CLRN3: variants seen among roughly 807,000 people sequenced by gnomAD.
CLRN3 encodes the protein clarin 3.
In CLRN3, 12 loss-of-function variants were observed where a neutral mutation model predicts 16.7. The observed-to-expected ratio is 0.72, with a 90% CI of 0.46 to 1.16. CLRN3 has a LOEUF of 1.16. Ranked by LOEUF, CLRN3 falls within the 50% of genes most tolerant of loss-of-function variation. CLRN3 has a pLI of 0.00. For synonymous variants in CLRN3, 118 were observed against 113.0 expected (o/e 1.04, Z -0.28); for missense variants, 296 against 274.2 (o/e 1.08, Z -0.56).
chr10:127,879,514 G>A (rs1361763962), intron 2 of CLRN3, among the ~76,000 whole-genome samples: 1 of 151,944 alleles, frequency 6.6e-6, no homozygotes, highest in South Asian at 2.1e-4. Flanking sequence ...AACAAGTCAT[G>A]TAGCCTTTCT....
In CLRN3 at chr10:127,885,758, A is replaced by T. The variant is rs544707612; in HGVS notation, c.230-1883T>A. 3.1e-4 allele frequency among the ~76,000 whole-genome samples: 47 copies of T among 151,994 alleles called. 1 individual carries two copies. In the South Asian group the frequency reaches 5.6e-3, roughly 18 times the overall value. On this transcript the variant is annotated intron_variant, in intron 1 of 2. Coordinates refer to ENST00000368671, the MANE Select transcript of CLRN3 (RefSeq NM_152311.5). ...CCACGACCACGCTCAGCTAATTTTT[A>T]AAATTTTTTTTTTTGAGTTGGAGTT...
intron 1 of CLRN3, among the ~76,000 whole-genome samples, chr10:127,887,148 C>G (rs1248304297): frequency 6.6e-6 from 1 of 152,030 alleles, no homozygotes; most frequent in African/African-American, 2.4e-5. Flanking sequence ...AGGGGGACAC[C>G]GGAGGAGAGA....
chr10:127,883,768 AG>A lies in CLRN3; in HGVS notation c.336del (p.Tyr113ThrfsTer30), dbSNP rs1216181274. ...ITSLLSSGFT[F>X]YNSISNPYQT... Reference sequence around the variant, plus strand: ...TGGTAAGGGTTGCTGATGCTGTTGTAGAAGGTAAACCCAGAGCTCAGCAGCG... The same window carrying A: ...TGGTAAGGGTTGCTGATGCTGTTGTAAAGGTAAACCCAGAGCTCAGCAGCG... On this transcript the variant is annotated frameshift_variant, in exon 2 of 3. Coordinates refer to ENST00000368671, the MANE Select transcript of CLRN3 (RefSeq NM_152311.5). LOFTEE classifies it high-confidence loss of function. 6 of 1,613,822 alleles carry A rather than the reference AG, an allele frequency of 3.7e-6. No individual in the cohort carries two copies. The highest frequency in any genetic ancestry group is 5.1e-6 in the Non-Finnish European group (6 of 1,179,804).
In CLRN3 at chr10:127,883,893, G is replaced by A. The variant is rs1251971248; in HGVS notation, c.230-18C>T. On this transcript the variant is annotated intron_variant, in intron 1 of 2. Coordinates refer to ENST00000368671, the MANE Select transcript of CLRN3 (RefSeq NM_152311.5). ...CTCTAAAACTAAAACAATGTTTTGT[G>A]AGTGCATAGCACATAATGCAAACAC... 2.5e-6 allele frequency: 4 copies of A among 1,611,484 alleles called. No individual in the cohort carries two copies. Among genetic ancestry groups the A allele is most frequent in the Non-Finnish European group, 3.4e-6 (4 of 1,177,650 alleles).
intron 1 of CLRN3, among the ~76,000 whole-genome samples, chr10:127,892,158 C>T (rs192746711): frequency 6.6e-6 from 1 of 152,256 alleles, no homozygotes; most frequent in East Asian, 1.9e-4. Context: ...TTTACTCTTT[C>T]CTGCATAGAT....
chr10:127,889,931 T>C (rs1467268354), intron 1 of CLRN3, among the ~76,000 whole-genome samples: 2 of 152,260 alleles, frequency 1.3e-5, no homozygotes, highest in East Asian at 3.9e-4. Flanking sequence ...AGTGTGAGCT[T>C]ACACCTCCTA....
At position 127,892,395 on chromosome 10, in the gene CLRN3, T is replaced by C. The variant is rs148376442; in HGVS notation, c.229+161A>G. On this transcript the variant is annotated intron_variant, in intron 1 of 2. Coordinates refer to ENST00000368671, the MANE Select transcript of CLRN3 (RefSeq NM_152311.5). ...AGGAGAACCGAGGAAGCTCAAATAA[T>C]GACATGGCAAATTTCCAAAATTATG... Among the ~76,000 whole-genome samples the C allele has an allele frequency of 6.0e-3, 909 of 152,348 alleles. 6 individuals are homozygous for C. Among genetic ancestry groups the C allele is most frequent in the Middle Eastern group, 0.017 (5 of 294 alleles).
intron 1 of CLRN3, among the ~76,000 whole-genome samples, chr10:127,886,218 TC>T (rs1384885224): frequency 6.6e-6 from 1 of 152,198 alleles, no homozygotes; most frequent in Admixed American, 6.5e-5. Flanking sequence ...GACCCGACAA[TC>T]CCCTTGGACA....
rs59803722 is a variant in CLRN3, at chr10:127,877,995, G to A, written c.*154C>T. On this transcript the variant is annotated 3_prime_UTR_variant, in exon 3 of 3. Coordinates refer to ENST00000368671, the MANE Select transcript of CLRN3 (RefSeq NM_152311.5). ...AACCTTGTGGGAAAAATTTTCAGGA[G>A]TACAGCATCAATGAAGAACACAGTG... 3.2e-6 allele frequency: 3 copies of A among 945,854 alleles called. No homozygotes were observed. Among genetic ancestry groups the A allele is most frequent in the African/African-American group, 3.3e-5 (2 of 60,520 alleles). The allele number at this position is 945,854 out of a possible 1,614,324, so 58.6% of individuals were successfully genotyped here. A position where few individuals can be genotyped will look rare whatever the true frequency, so the allele number is the denominator to read the frequency against.
intron 2 of CLRN3, among the ~76,000 whole-genome samples, chr10:127,880,759 C>G (rs1845118778): frequency 1.3e-5 from 2 of 152,046 alleles, no homozygotes; most frequent in Admixed American, 1.3e-4. Flanking sequence ...GCCAGGAAAC[C>G]CACTTCCTTC....
At chr10:127,889,794 G>A (rs1279812822) in intron 1 of CLRN3, among the ~76,000 whole-genome samples, 4 of 152,210 alleles carry the variant, frequency 2.6e-5, no homozygotes, top group African/African-American at 9.7e-5. Flanking sequence ...ATGTTTGCCA[G>A]TGTGAGGAAA....
At chr10:127,879,050 C>G (rs1845094474) in intron 2 of CLRN3, among the ~76,000 whole-genome samples, 1 of 152,186 alleles carries the variant, frequency 6.6e-6, no homozygotes, top group Admixed American at 6.5e-5. Flanking sequence ...GAGAAGAGAA[C>G]TTATTGCATG....
At chr10:127,889,350 G>T (rs560704118) in intron 1 of CLRN3, among the ~76,000 whole-genome samples, 1 of 152,022 alleles carries the variant, frequency 6.6e-6, no homozygotes, top group Non-Finnish European at 1.5e-5. Context: ...CTTGCCGGGC[G>T]CAGTGGTTCA....
At chr10:127,878,559 TACAAAA>T in intron 2 of CLRN3, 139 bp from the exon 3 acceptor site, 2 of 1,217,302 alleles carry the variant, frequency 1.6e-6, no homozygotes, top group Non-Finnish European at 2.2e-6. Flanking sequence ...AGGGAGAAGG[TACAAAA>T]TTGTAAGACA....
intron 2 of CLRN3, among the ~76,000 whole-genome samples, chr10:127,879,806 T>C (rs12255073): frequency 2.6e-5 from 4 of 152,186 alleles, no homozygotes; most frequent in African/African-American, 9.7e-5. Flanking sequence ...AGAAAGGTTT[T>C]GGAGGATAAG....
chr10:127,891,892 G>A (rs1283466146), intron 1 of CLRN3, among the ~76,000 whole-genome samples: 2 of 152,054 alleles, frequency 1.3e-5, no homozygotes, highest in African/African-American at 4.8e-5. Context: ...ATGAAGGTAG[G>A]TTATCAAACC....
chr10:127,880,545 G>A (rs1845117237), intron 2 of CLRN3, among the ~76,000 whole-genome samples: 1 of 152,132 alleles, frequency 6.6e-6, no homozygotes, highest in Non-Finnish European at 1.5e-5. Context: ...AGACACAAAT[G>A]TATTTGGAAC....
rs201087123 is a variant in CLRN3 at position 127,878,431 on chromosome 10, G to A, written c.410-11C>T. The A allele has an allele frequency of 4.0e-5, 65 of 1,612,704 alleles. No homozygotes were observed. Among genetic ancestry groups the A allele is most frequent in the Non-Finnish European group, 5.4e-5 (64 of 1,178,948 alleles). On this transcript the variant is annotated splice_polypyrimidine_tract_variant and intron_variant, in intron 2 of 2. Transcript: ENST00000368671. ...CAAAAACGAAGGATGCTGAAAGGAAGATGGAGTTTCATGCATGGCATGGTG... is the reference window on the plus strand; with the variant it reads ...CAAAAACGAAGGATGCTGAAAGGAAAATGGAGTTTCATGCATGGCATGGTG...
At chr10:127,882,507 C>A (rs1000699834) in intron 2 of CLRN3, among the ~76,000 whole-genome samples, 1 of 152,218 alleles carries the variant, frequency 6.6e-6, no homozygotes, top group Non-Finnish European at 1.5e-5. Flanking sequence ...TGTGTTTACA[C>A]GATTCCAATC....
Sources: allele counts gnomAD v4.1 joint callset (sites outside exome capture counted in the v4.1 genomes callset), GRCh38; gene constraint gnomAD v4.1.1; transcripts MANE v1.5; gene names NCBI Gene and HGNC (gene_info 2026-07-23, HGNC 2026-07-21).